Variants in TMEM154 observed in about 807,000 individuals in gnomAD.
The protein encoded by TMEM154 is transmembrane protein 154.
TMEM154 carries 27 observed loss-of-function variants against 24.5 expected under a neutral mutation model. The ratio of observed to expected loss-of-function variants is 1.10; its 90% CI spans 0.81 to 1.52. The LOEUF (loss-of-function observed/expected upper bound fraction) is 1.52, where lower values mean the gene tolerates loss of function less well. Ranked by LOEUF, TMEM154 falls within the 40% of genes most tolerant of loss-of-function variation. The pLI, the probability that TMEM154 is intolerant of heterozygous loss-of-function variation, is 0.00. For missense variants in TMEM154, 228 were observed against 213.4 expected (o/e 1.07, Z -0.43); for synonymous variants, 67 against 76.8 (o/e 0.87, Z 0.67).
At chr4:152,666,015 A>G (rs1199364995) in intron 1 of TMEM154, among the ~76,000 whole-genome samples, 1 of 151,948 alleles carries the variant, frequency 6.6e-6, no homozygotes, top group African/African-American at 2.4e-5. Context: ...GTCTCCAACT[A>G]CTGGGCTCAA....
intron 6 of TMEM154, among the ~76,000 whole-genome samples, chr4:152,638,804 C>T (rs535789455): frequency 2.2e-4 from 34 of 152,150 alleles, no homozygotes; most frequent in Non-Finnish European, 4.4e-4. Flanking sequence ...GCTGGCATTA[C>T]GAGAGGGCAT....
chr4:152,647,025 T>A, intron 3 of TMEM154: 1 of 738,552 alleles, frequency 1.4e-6, no homozygotes, highest in Non-Finnish European at 2.4e-6. Context: ...ATCACGTTAC[T>A]ACATCATGTT....
intron 1 of TMEM154, among the ~76,000 whole-genome samples, chr4:152,658,282 G>A (rs2149786405): frequency 6.6e-6 from 1 of 152,262 alleles, no homozygotes; most frequent in Admixed American, 6.5e-5. Flanking sequence ...ATGGGATACA[G>A]CAAAAGCAGT....
At chr4:152,644,034 T>C (rs1752307307) in intron 4 of TMEM154, among the ~76,000 whole-genome samples, 1 of 152,070 alleles carries the variant, frequency 6.6e-6, no homozygotes, top group Non-Finnish European at 1.5e-5. Context: ...GGCTCCCTGC[T>C]AAATACCAGC....
intron 6 of TMEM154, among the ~76,000 whole-genome samples, chr4:152,637,273 C>A (rs773251948): frequency 1.3e-5 from 2 of 152,116 alleles, no homozygotes; most frequent in Non-Finnish European, 2.9e-5. Context: ...CTGCCGGGTG[C>A]GGTGTCTCAC....
intron 6 of TMEM154, among the ~76,000 whole-genome samples, chr4:152,629,570 G>A (rs775937440): frequency 9.2e-5 from 14 of 152,072 alleles, no homozygotes; most frequent in East Asian, 1.9e-4. Context: ...CCTTCCTCGC[G>A]CTTCTCTTTT....
Position 152,628,255 on chromosome 4 carries a change from G to A in TMEM154, c.*291C>T, listed in dbSNP as rs1420318412. On this transcript the variant is annotated 3_prime_UTR_variant, in exon 7 of 7. Coordinates refer to ENST00000304385, the MANE Select transcript of TMEM154 (RefSeq NM_152680.3). ...GTGAGCTAGAAGTTGGCTGAGAGGA[G>A]GCAACACATGTTGATCAGAAGTGAG... 2.0e-6 allele frequency: 1 copy of A among 500,100 alleles called. No homozygotes were observed. The highest frequency in any genetic ancestry group is 3.5e-6 in the Non-Finnish European group (1 of 285,042). The allele number at this position is 500,100 out of a possible 1,614,324, so 31.0% of individuals were successfully genotyped here.
intron 6 of TMEM154, among the ~76,000 whole-genome samples, chr4:152,639,173 A>T (rs1752205135): frequency 6.6e-6 from 1 of 151,988 alleles, no homozygotes; most frequent in African/African-American, 2.4e-5. Context: ...CTGGTCTCGA[A>T]CTCCTGGCCT....
At chr4:152,643,949 C>A (rs897465630) in intron 4 of TMEM154, among the ~76,000 whole-genome samples, 1 of 151,748 alleles carries the variant, frequency 6.6e-6, no homozygotes, top group South Asian at 2.1e-4. Flanking sequence ...TCCTGCTCCT[C>A]CCACTCTTCC....
rs747613909 is a variant in TMEM154 at position 152,628,565 on chromosome 4, TAAAAAAAA to T, written c.537-12_537-5del. ...TCAGGTTTAGGATTCACTGTCACTG[TAAAAAAAA>T]AAAAAAAAAAAAAAAAAAACAAAAA... On this transcript the variant is annotated splice_region_variant and splice_polypyrimidine_tract_variant and intron_variant, in intron 6 of 6. Transcript: ENST00000304385. The T allele has an allele frequency of 3.7e-5, 19 of 518,534 alleles. No individual in the cohort carries two copies. In the Admixed American group the frequency reaches 3.9e-4, roughly 11 times the overall value. The allele number at this position is 518,534 out of a possible 1,614,324, so 32.1% of individuals were successfully genotyped here.
intron 1 of TMEM154, among the ~76,000 whole-genome samples, chr4:152,654,881 T>G (rs1015014547): frequency 7.2e-5 from 11 of 152,236 alleles, no homozygotes; most frequent in Non-Finnish European, 1.5e-5. Context: ...ATTGTGTTGA[T>G]TGTATGAATA....
chr4:152,677,992 C>T (rs745634072), intron 1 of TMEM154, among the ~76,000 whole-genome samples: 12 of 152,002 alleles, frequency 7.9e-5, no homozygotes, highest in African/African-American at 1.5e-4. Flanking sequence ...GCAGCAGGTA[C>T]GAGTAGAGCT....
chr4:152,654,424 C>T (rs1728449848), intron 1 of TMEM154, among the ~76,000 whole-genome samples: 1 of 152,246 alleles, frequency 6.6e-6, no homozygotes, highest in Non-Finnish European at 1.5e-5. Context: ...GTTCATCTAT[C>T]TTCATAATCC....
rs1751955347 is a variant in TMEM154, at chr4:152,628,425, G to T, written c.*121C>A. 2 of 1,504,498 alleles carry T rather than the reference G, an allele frequency of 1.3e-6. No individual in the cohort carries two copies. Among genetic ancestry groups the T allele is most frequent in the Non-Finnish European group, 1.8e-6 (2 of 1,094,266 alleles). The allele number at this position is 1,504,498 out of a possible 1,614,324, so 93.2% of individuals were successfully genotyped here. A position where few individuals can be genotyped will look rare whatever the true frequency, so the allele number is the denominator to read the frequency against. On this transcript the variant is annotated 3_prime_UTR_variant, in exon 7 of 7. Transcript: ENST00000304385. ...TGGGCGTTGGAAGAAACAGCAAAAG[G>T]TTCTTGTGTCTATGTTGATTTGAAA...
rs1014818876 is a variant in TMEM154 at position 152,637,389 on chromosome 4, T to C, written c.536+3539A>G. Among the ~76,000 whole-genome samples, 21 of 151,914 alleles carry C rather than the reference T, an allele frequency of 1.4e-4. 1 individual carries two copies. The highest frequency in any genetic ancestry group is 6.2e-4 in the South Asian group (3 of 4,824). ...GGTGAAACCCCATTTCTATTAAAAATACAAAATTAGCCAGGCGTGGTGGTG... is the reference window on the plus strand; with the variant it reads ...GGTGAAACCCCATTTCTATTAAAAACACAAAATTAGCCAGGCGTGGTGGTG... On this transcript the variant is annotated intron_variant, in intron 6 of 6. Coordinates refer to ENST00000304385, the MANE Select transcript of TMEM154 (RefSeq NM_152680.3).
At chr4:152,663,487 G>A (rs77651827) in intron 1 of TMEM154, among the ~76,000 whole-genome samples, 3,910 of 152,314 alleles carry the variant, frequency 0.026, 149 homozygotes, top group African/African-American at 0.088. Context: ...TCAGTCTTGC[G>A]TGGCTTCATG....
chr4:152,632,657 T>C (rs948668121), intron 6 of TMEM154, among the ~76,000 whole-genome samples: 5 of 152,218 alleles, frequency 3.3e-5, no homozygotes, highest in South Asian at 2.1e-4. Flanking sequence ...TATTATCACC[T>C]GCATTTTTTC....
Position 152,621,632 on chromosome 4 carries a change from G to GGAC in TMEM154, c.*6913_*6914insGTC, listed in dbSNP as rs1255719319. 1 of 152,144 alleles carries GGAC rather than the reference G, an allele frequency of 6.6e-6. No homozygotes were observed. Among genetic ancestry groups the GGAC allele is most frequent in the East Asian group, 1.9e-4 (1 of 5,198 alleles). 9.4% of individuals were successfully genotyped at this position (152,144 alleles called of 1,614,324 possible). A position where few individuals can be genotyped will look rare whatever the true frequency, so the allele number is the denominator to read the frequency against. The stretch of plus-strand genomic sequence containing the variant: ...TTGTCAATAATACTGACTGGTCTTT[G>GGAC]TGAGCCGAAAGAATAAATCCTTATT... On this transcript the variant is annotated 3_prime_UTR_variant, in exon 7 of 7. Transcript: ENST00000304385.
intron 1 of TMEM154, among the ~76,000 whole-genome samples, chr4:152,663,894 T>C (rs974896685): frequency 6.6e-6 from 1 of 152,226 alleles, no homozygotes; most frequent in Non-Finnish European, 1.5e-5. Context: ...TGAGGATGTA[T>C]GGGGAAATCC....
Sources: gnomAD v4.1 joint callset for allele counts (sites outside exome capture counted in the v4.1 genomes callset) on GRCh38, gnomAD v4.1.1 for gene constraint, MANE v1.5 for transcripts, NCBI Gene and HGNC (gene_info 2026-07-23, HGNC 2026-07-21) for gene names.